LARP4B: variants seen among roughly 807,000 people sequenced by gnomAD.
The protein encoded by LARP4B is la-related protein 4B.
Under a neutral mutation model 89.8 loss-of-function variants are expected in LARP4B, and 12 were observed. The observed-to-expected ratio is 0.13, with a 90% CI of 0.09 to 0.22. The LOEUF (loss-of-function observed/expected upper bound fraction) is 0.22. LARP4B is among the 10% of genes least tolerant of loss of function. The pLI is 1.00. For synonymous variants in LARP4B, 367 were observed against 363.3 expected (o/e 1.01, Z -0.12); for missense variants, 757 against 947.7 (o/e 0.80, Z 2.64).
intron 1 of LARP4B, among the ~76,000 whole-genome samples, chr10:916,862 A>G: frequency 1.3e-5 from 2 of 152,038 alleles, no homozygotes; most frequent in Admixed American, 1.3e-4. Context: ...ACACCTGGCT[A>G]ATTTTTCTAT....
the LARP4B span, among the ~76,000 whole-genome samples, chr10:968,481 A>G: frequency 3.9e-5 from 6 of 152,180 alleles, no homozygotes; most frequent in Admixed American, 2.0e-4. Flanking sequence ...GCCTAAATTG[A>G]TAGGGTTTTA....
At chr10:887,121 T>C (rs12261693) in intron 1 of LARP4B, among the ~76,000 whole-genome samples, 63 of 152,070 alleles carry the variant, frequency 4.1e-4, no homozygotes, top group African/African-American at 1.5e-3. Context: ...AAATGGTGAC[T>C]ACCAGGGGGC....
rs376746509 is a variant in LARP4B, at chr10:891,744, C to T, written c.-39-5984G>A. On this transcript the variant is annotated intron_variant, in intron 1 of 17. Coordinates refer to ENST00000316157, the MANE Select transcript of LARP4B (RefSeq NM_015155.3). Reference sequence around the variant, plus strand: ...GCATCCTACCTATTAAAAAAAGTAACCTTTACACCAATATATCTCTTAATT... The same window carrying T: ...GCATCCTACCTATTAAAAAAAGTAATCTTTACACCAATATATCTCTTAATT... Among the ~76,000 whole-genome samples the T allele has an allele frequency of 4.9e-4, 75 of 152,314 alleles. 6 individuals are homozygous for T. The South Asian group carries it at 0.015, about 30-fold the overall frequency.
chr10:944,986 T>C, the LARP4B span, among the ~76,000 whole-genome samples: 1 of 152,254 alleles, frequency 6.6e-6, no homozygotes, highest in South Asian at 2.1e-4. Flanking sequence ...CTTGTGTTTA[T>C]GGATTTTAAA....
chr10:823,159 C>T (rs777696152), intron 13 of LARP4B, among the ~76,000 whole-genome samples: 12 of 152,144 alleles, frequency 7.9e-5, no homozygotes, highest in African/African-American at 1.4e-4. Context: ...GAGTTGCATG[C>T]GCTTTCCCTG....
chr10:834,622 T>C (rs116917596), intron 8 of LARP4B, among the ~76,000 whole-genome samples: 6 of 152,306 alleles, frequency 3.9e-5, no homozygotes, highest in Non-Finnish European at 5.9e-5. Context: ...TTTTAATTTA[T>C]CAAAGAGTTT....
intron 1 of LARP4B, among the ~76,000 whole-genome samples, chr10:913,106 C>T (rs768254470): frequency 2.0e-5 from 3 of 152,050 alleles, no homozygotes; most frequent in Non-Finnish European, 2.9e-5. Context: ...GATCTAAGTT[C>T]TCTGCCTTTG....
chr10:893,524 T>C (rs1351256093), intron 1 of LARP4B, among the ~76,000 whole-genome samples: 1 of 152,244 alleles, frequency 6.6e-6, no homozygotes, highest in African/African-American at 2.4e-5. Flanking sequence ...TTACCACTGA[T>C]ATCCTTTTCC....
At chr10:937,592 C>T in the LARP4B span, among the ~76,000 whole-genome samples, 1 of 152,236 alleles carries the variant, frequency 6.6e-6, no homozygotes, top group Middle Eastern at 3.4e-3. Context: ...CCTGACCCCC[C>T]CTCCCCCACA....
At chr10:920,352 A>G (rs1836945403) in intron 1 of LARP4B, among the ~76,000 whole-genome samples, 1 of 152,246 alleles carries the variant, frequency 6.6e-6, no homozygotes, top group South Asian at 2.1e-4. Flanking sequence ...TTTTTCTGAC[A>G]ATTATTTTCA....
At chr10:826,692 G>A (rs1166436248) in intron 11 of LARP4B, among the ~76,000 whole-genome samples, 3 of 151,990 alleles carry the variant, frequency 2.0e-5, no homozygotes, top group East Asian at 1.9e-4. Context: ...CTGATATCTC[G>A]CTCCTTATGC....
At chr10:988,191 G>T in the LARP4B span, 1 of 400,322 alleles carries the variant, frequency 2.5e-6, no homozygotes, top group Non-Finnish European at 4.6e-6. Context: ...CAGTCTGTCG[G>T]AAACCCCCGC....
chr10:954,570 GGGA>G, the LARP4B span, among the ~76,000 whole-genome samples: 2 of 152,102 alleles, frequency 1.3e-5, no homozygotes, highest in Admixed American at 6.6e-5. The surrounding 1 kb of genome is among the most constrained non-coding windows in gnomAD (Gnocchi z 5.0). Flanking sequence ...GCCTGAGGTC[GGGA>G]GGAGGACACA....
intron 8 of LARP4B, among the ~76,000 whole-genome samples, chr10:833,553 C>T (rs759837374): frequency 6.6e-6 from 1 of 152,198 alleles, no homozygotes; most frequent in African/African-American, 2.4e-5. Context: ...CACATCATTA[C>T]ATCATTAACC....
intron 3 of LARP4B, among the ~76,000 whole-genome samples, chr10:864,682 G>A (rs963476669): frequency 6.6e-6 from 1 of 152,198 alleles, no homozygotes; most frequent in Non-Finnish European, 1.5e-5. Flanking sequence ...AGCAGGGCGC[G>A]GCGGCTCACA....
At chr10:888,417 A>C (rs1429742412) in intron 1 of LARP4B, among the ~76,000 whole-genome samples, 2 of 152,196 alleles carry the variant, frequency 1.3e-5, no homozygotes, top group African/African-American at 4.8e-5. Flanking sequence ...AAATAAAAAC[A>C]GTTGTTGATG....
chr10:815,887 G>C (rs1832022303), intron 15 of LARP4B, among the ~76,000 whole-genome samples: 1 of 152,204 alleles, frequency 6.6e-6, no homozygotes, highest in Non-Finnish European at 1.5e-5. Context: ...AATCCAGCTT[G>C]GTGGAAACAA....
Position 815,021 on chromosome 10 carries a change from C to T in LARP4B, c.1745G>A (p.Arg582Lys). Residue 582 changes from arginine (R) to lysine (K), a missense_variant, in exon 16 of 18, where the codon AGA becomes AAA. Arg to Lys is a conservative substitution (Grantham distance 26). Transcript: ENST00000316157. ...ACAAGAAGCCGGCACCGAGGGCTCT[C>T]TGGAGACCACTACAGGAAGGGTGTT... Reference protein sequence around the residue: ...SVNTLPVVVSREPSVPASCAV... With the variant: ...SVNTLPVVVSKEPSVPASCAV... The T allele has an allele frequency of 6.2e-7, 1 of 1,608,708 alleles. No individual in the cohort carries two copies. The highest frequency in any genetic ancestry group is 2.2e-5 in the East Asian group (1 of 44,742).
At chr10:824,637 C>T (rs1832527338) in intron 13 of LARP4B, among the ~76,000 whole-genome samples, 1 of 152,246 alleles carries the variant, frequency 6.6e-6, no homozygotes, top group South Asian at 2.1e-4. Flanking sequence ...TGAGATGAGA[C>T]TGCAATGCTG....
Sources: allele counts gnomAD v4.1 joint callset (sites outside exome capture counted in the v4.1 genomes callset), GRCh38; gene constraint gnomAD v4.1.1; non-coding constraint Gnocchi (gnomAD v3.1); transcripts MANE v1.5; gene names NCBI Gene and HGNC (gene_info 2026-07-23, HGNC 2026-07-21).